Variants in ARL15 observed in about 807,000 individuals in gnomAD.
The protein encoded by ARL15 is ARF like GTPase 15.
ARL15 carries 19 observed loss-of-function variants against 25.2 expected under a neutral mutation model. The ratio of observed to expected loss-of-function variants is 0.75; its 90% confidence interval spans 0.53 to 1.10. ARL15 has a LOEUF of 1.10. Ranked by LOEUF, ARL15 falls within the 50% of genes least tolerant of loss-of-function variation. ARL15 has a pLI of 0.00. For missense variants in ARL15, 220 were observed against 246.0 expected, an observed-to-expected ratio of 0.89 and a Z score of 0.71; for synonymous variants, 94 against 86.8, an observed-to-expected ratio of 1.08 and a Z score of -0.46.
At chr5:54,133,497 T>C (rs1431715049) in intron 3 of ARL15, among the ~76,000 whole-genome samples, 1 of 152,160 alleles carries the variant, frequency 6.6e-6, no homozygotes, top group Non-Finnish European at 1.5e-5. Flanking sequence ...CCAGTCTTGG[T>C]AGCAGGCATA....
intron 4 of ARL15, among the ~76,000 whole-genome samples, chr5:54,085,243 C>T (rs766265449): frequency 1.3e-5 from 2 of 152,180 alleles, no homozygotes; most frequent in African/African-American, 2.4e-5. Flanking sequence ...AAAGATACTA[C>T]AGAACAATCT....
intron 1 of ARL15, among the ~76,000 whole-genome samples, chr5:54,218,329 C>A (rs1201938661): frequency 6.6e-6 from 1 of 152,136 alleles, no homozygotes; most frequent in African/African-American, 2.4e-5. Context: ...TAACTAACAT[C>A]CAGCCGAGAA....
At position 54,087,112 on chromosome 5, in the gene ARL15, G is replaced by A. The variant is rs550248910; in HGVS notation, c.462+26090C>T. Reference sequence around the variant, plus strand: ...AGCACTTTGAGAGGTCAAGGTGGGCGGATCACGAGGTCAGGGGATCAAGAC... The same window carrying A: ...AGCACTTTGAGAGGTCAAGGTGGGCAGATCACGAGGTCAGGGGATCAAGAC... On this transcript the variant is annotated intron_variant, in intron 4 of 4. Transcript: ENST00000504924. Among the ~76,000 whole-genome samples the A allele has an allele frequency of 3.7e-4, 57 of 152,266 alleles. 1 individual carries two copies. The highest frequency in any genetic ancestry group is 5.1e-4 in the African/African-American group (21 of 41,550).
chr5:53,955,531 G>T (rs77355163), intron 4 of ARL15, among the ~76,000 whole-genome samples: 2 of 152,104 alleles, frequency 1.3e-5, no homozygotes, highest in African/African-American at 4.8e-5. Flanking sequence ...GGCAGAGTAG[G>T]CACCTCCAAG....
chr5:54,289,951 G>T (rs1297434742), intron 1 of ARL15, among the ~76,000 whole-genome samples: 2 of 152,106 alleles, frequency 1.3e-5, no homozygotes, highest in African/African-American at 4.8e-5. Flanking sequence ...AAGCCCCAGG[G>T]GCTGCAGTCT....
intron 1 of ARL15, among the ~76,000 whole-genome samples, chr5:54,230,923 A>C (rs1298501820): frequency 6.6e-6 from 1 of 151,774 alleles, no homozygotes; most frequent in Non-Finnish European, 1.5e-5. Flanking sequence ...ACAGGAGATG[A>C]AAGAAATATT....
At chr5:54,215,538 A>C (rs1355084505) in intron 1 of ARL15, among the ~76,000 whole-genome samples, 2 of 151,198 alleles carry the variant, frequency 1.3e-5, no homozygotes, top group Non-Finnish European at 2.9e-5. Flanking sequence ...TAAAAAATTC[A>C]ATCTGAGAAC....
chr5:53,945,651 T>A lies in ARL15; in HGVS notation c.463-58938A>T, dbSNP rs530008902. On this transcript the variant is annotated intron_variant, in intron 4 of 4. Transcript: ENST00000504924. ...AACAGCAGTGAAATTCCAAAGCACC[T>A]GAAAAATGAGTTGCAAAAACAAAAA... is the stretch of plus-strand genomic sequence containing the variant. Among the ~76,000 whole-genome samples the A allele has an allele frequency of 3.9e-5, 6 of 152,238 alleles. No individual in the cohort carries two copies. The South Asian group carries it at 1.0e-3, about 26-fold the overall frequency.
intron 4 of ARL15, among the ~76,000 whole-genome samples, chr5:54,111,990 T>C (rs1013631392): frequency 2.0e-5 from 3 of 152,150 alleles, no homozygotes; most frequent in Non-Finnish European, 4.4e-5. Context: ...GTTTTTTACT[T>C]AATTACTTAA....
chr5:54,040,269 C>T (rs1170686855), intron 4 of ARL15, among the ~76,000 whole-genome samples: 1 of 152,164 alleles, frequency 6.6e-6, no homozygotes, highest in Non-Finnish European at 1.5e-5. Flanking sequence ...ATCAGCAATG[C>T]ACTTTGTCCC....
At chr5:54,181,007 C>G (rs1010733992) in intron 1 of ARL15, among the ~76,000 whole-genome samples, 3 of 152,198 alleles carry the variant, frequency 2.0e-5, no homozygotes, top group African/African-American at 7.2e-5. Context: ...CAGTGGCTTT[C>G]AAGAGTCTCG....
At chr5:54,036,474 C>T (rs1286160672) in intron 4 of ARL15, among the ~76,000 whole-genome samples, 1 of 152,052 alleles carries the variant, frequency 6.6e-6, no homozygotes, top group Non-Finnish European at 1.5e-5. Flanking sequence ...AGGCAAACAC[C>T]TCATTTCCTT....
At chr5:54,301,710 G>C (rs1758620151) in intron 1 of ARL15, among the ~76,000 whole-genome samples, 1 of 152,178 alleles carries the variant, frequency 6.6e-6, no homozygotes, top group Non-Finnish European at 1.5e-5. Flanking sequence ...AGTGGTCCTG[G>C]AGTGCCTCCA....
intron 4 of ARL15, among the ~76,000 whole-genome samples, chr5:54,057,658 A>T (rs1239800300): frequency 6.6e-6 from 1 of 152,160 alleles, no homozygotes; most frequent in Non-Finnish European, 1.5e-5. Context: ...TCTGGGCAAC[A>T]TAGTGAGACC....
chr5:53,935,095 C>A (rs1746312368), intron 4 of ARL15, among the ~76,000 whole-genome samples: 1 of 152,146 alleles, frequency 6.6e-6, no homozygotes, highest in Non-Finnish European at 1.5e-5. Context: ...ATAAAGACTC[C>A]TTTGGCACTT....
chr5:53,926,688 C>T (rs1038973134), intron 4 of ARL15, among the ~76,000 whole-genome samples: 1 of 152,156 alleles, frequency 6.6e-6, no homozygotes, highest in Non-Finnish European at 1.5e-5. Context: ...GATATCCAAT[C>T]TTACAGAAAT....
intron 3 of ARL15, among the ~76,000 whole-genome samples, chr5:54,147,168 C>T (rs1334206168): frequency 6.6e-6 from 1 of 152,126 alleles, no homozygotes; most frequent in Non-Finnish European, 1.5e-5. Flanking sequence ...CTCAGGGAGC[C>T]AGGAGTTAAC....
intron 1 of ARL15, among the ~76,000 whole-genome samples, chr5:54,231,432 C>T (rs1019625041): frequency 6.6e-6 from 1 of 152,170 alleles, no homozygotes; most frequent in African/African-American, 2.4e-5. Context: ...CCAGTCAATC[C>T]ATCCCTCACA....
intron 4 of ARL15, among the ~76,000 whole-genome samples, chr5:53,923,400 C>CTCCT (rs781017531): frequency 5.0e-4 from 76 of 152,248 alleles, no homozygotes; most frequent in Middle Eastern, 3.4e-3. Flanking sequence ...ACCCCACTGC[C>CTCCT]TCCTTGTCGG....
Sources: gnomAD v4.1 joint callset for allele counts (sites outside exome capture counted in the v4.1 genomes callset) on GRCh38, gnomAD v4.1.1 for gene constraint, MANE v1.5 for transcripts, NCBI Gene and HGNC (gene_info 2026-07-23, HGNC 2026-07-21) for gene names.